The following RBFOX3 variants were observed in gnomAD, a reference collection of about 807,000 sequenced individuals.
The protein encoded by RBFOX3 is RNA binding fox-1 homolog 3, also known as RNA binding protein fox-1 homolog 3.
Under a neutral mutation model 48.7 loss-of-function variants are expected in RBFOX3, and 17 were observed. The observed-to-expected ratio is 0.35, with a 90% CI of 0.24 to 0.52. RBFOX3 has a LOEUF of 0.52. Ranked by LOEUF, RBFOX3 falls within the 20% of genes least tolerant of loss-of-function variation. The probability of loss-of-function intolerance (pLI) is 0.94; values close to 1 mark genes in which losing one functional copy is unlikely to be tolerated. For synonymous variants in RBFOX3, 212 were observed against 209.5 expected, an observed-to-expected ratio of 1.01 and a Z score of -0.10; for missense variants, 382 against 497.5, an observed-to-expected ratio of 0.77 and a Z score of 2.21.
chr17:79,503,077 C>T (rs978832523), intron 1 of RBFOX3, among the ~76,000 whole-genome samples: 9 of 152,178 alleles, frequency 5.9e-5, no homozygotes, highest in Non-Finnish European at 1.2e-4. Flanking sequence ...AGACAGATGC[C>T]TGTTCCCTGC....
chr17:79,256,845 C>G (rs922220410), intron 3 of RBFOX3, among the ~76,000 whole-genome samples: 5 of 152,016 alleles, frequency 3.3e-5, no homozygotes, highest in African/African-American at 1.2e-4. Context: ...TCGCTTGAAC[C>G]TGGGAGGTGG....
chr17:79,493,593 A>G (rs1266527718), intron 1 of RBFOX3, among the ~76,000 whole-genome samples: 2 of 151,866 alleles, frequency 1.3e-5, no homozygotes, highest in African/African-American at 4.8e-5. Flanking sequence ...GGAGTCCCCA[A>G]CCCCAGTTTC....
chr17:79,253,995 T>C (rs2064381193), intron 3 of RBFOX3, among the ~76,000 whole-genome samples: 1 of 152,112 alleles, frequency 6.6e-6, no homozygotes, highest in Non-Finnish European at 1.5e-5. Flanking sequence ...CACTTTTCTC[T>C]TCCCCCACGC....
At chr17:79,399,040 G>A (rs1024711659) in intron 2 of RBFOX3, among the ~76,000 whole-genome samples, 3 of 152,280 alleles carry the variant, frequency 2.0e-5, no homozygotes, top group African/African-American at 4.8e-5. Flanking sequence ...GACGCATGAC[G>A]GCAGAGGCAG....
intron 3 of RBFOX3, among the ~76,000 whole-genome samples, chr17:79,287,021 C>G (rs2072086751): frequency 6.6e-6 from 1 of 152,228 alleles, no homozygotes; most frequent in African/African-American, 2.4e-5. Flanking sequence ...AGCGGTGCTT[C>G]CCCCACATCA....
chr17:79,385,934 C>A (rs1045132984), intron 2 of RBFOX3, among the ~76,000 whole-genome samples: 5 of 147,272 alleles, frequency 3.4e-5, no homozygotes, highest in African/African-American at 1.3e-4. Flanking sequence ...CATCACCCTC[C>A]ATTGCGGACA....
chr17:79,333,020 TG>T (rs1183451735), intron 2 of RBFOX3, among the ~76,000 whole-genome samples: 3 of 116,736 alleles, frequency 2.6e-5, no homozygotes, highest in Non-Finnish European at 5.4e-5. Context: ...GAGAGAGAGA[TG>T]GGGTGGGGGA....
chr17:79,115,678 G>T lies in RBFOX3; in HGVS notation c.38C>A (p.Pro13Gln). 1.7e-6 allele frequency: 2 copies of T among 1,161,946 alleles called. No homozygotes were observed. Among genetic ancestry groups the T allele is most frequent in the Non-Finnish European group, 2.4e-6 (2 of 839,600 alleles). 72.0% of individuals were successfully genotyped at this position (1,161,946 alleles called of 1,614,324 possible). Reference sequence around the variant, plus strand: ...CTCGGCAGGGATGCCGTTCTGTGGCGGAGGGGGGTACTGGGCGGGGGGGTA... The same window carrying T: ...CTCGGCAGGGATGCCGTTCTGTGGCTGAGGGGGGTACTGGGCGGGGGGGTA... ...QPYPPAQYPP[P>Q]PQNGIPAEYA... The change falls in exon 5 of 15, where the codon CCG (proline) becomes CAG (glutamine). Residue 13 changes from proline to glutamine, a missense_variant. By Grantham distance (76) the Pro-to-Gln change is moderately conservative (BLOSUM62 -1). Around this residue, in one of 3 missense-constraint regions of RBFOX3, gnomAD observed 118 missense variants for 132.1 expected, o/e 0.89. Coordinates refer to ENST00000693108, the MANE Select transcript of RBFOX3 (RefSeq NM_001350451.2).
chr17:79,206,182 C>A (rs1469316094), intron 4 of RBFOX3, among the ~76,000 whole-genome samples: 2 of 152,150 alleles, frequency 1.3e-5, no homozygotes, highest in African/African-American at 2.4e-5. Context: ...CCTTGAAGAT[C>A]ATGTAAAAGC....
intron 2 of RBFOX3, among the ~76,000 whole-genome samples, chr17:79,334,835 C>T (rs181269186): frequency 1.3e-3 from 191 of 152,358 alleles, no homozygotes; most frequent in African/African-American, 4.5e-3. Context: ...CGAGCTGTGC[C>T]TGTTGCCTGT....
intron 2 of RBFOX3, among the ~76,000 whole-genome samples, chr17:79,457,758 C>T (rs181968557): frequency 7.9e-5 from 12 of 152,356 alleles, no homozygotes; most frequent in East Asian, 1.9e-4. Flanking sequence ...CCTCAGGCAG[C>T]GAGTCCAGTG....
At chr17:79,470,818 C>A (rs2076970815) in intron 2 of RBFOX3, among the ~76,000 whole-genome samples, 1 of 152,098 alleles carries the variant, frequency 6.6e-6, no homozygotes, top group Non-Finnish European at 1.5e-5. Context: ...TTCTCTGGAC[C>A]CCTTCTGGCA....
At chr17:79,615,082 C>T (rs1007525143), upstream of RBFOX3, among the ~76,000 whole-genome samples, 3 of 152,116 alleles carry the variant, frequency 2.0e-5, no homozygotes, top group East Asian at 5.8e-4. Context: ...AAAATGTTTC[C>T]CCAAGTTTCC....
At chr17:79,401,433 A>G (rs1675870319) in intron 2 of RBFOX3, among the ~76,000 whole-genome samples, 1 of 152,244 alleles carries the variant, frequency 6.6e-6, no homozygotes, top group African/African-American at 2.4e-5. Context: ...GGTACAGTCA[A>G]CCAATCAGCC....
At chr17:79,138,862 C>T (rs1264597889) in intron 4 of RBFOX3, among the ~76,000 whole-genome samples, 1 of 139,386 alleles carries the variant, frequency 7.2e-6, no homozygotes, top group African/African-American at 2.8e-5. Flanking sequence ...GCATTCACGC[C>T]CCCTCTCACC....
At chr17:79,607,731 G>A (rs1468865301) in intron 1 of RBFOX3, among the ~76,000 whole-genome samples, 1 of 152,218 alleles carries the variant, frequency 6.6e-6, no homozygotes, top group African/African-American at 2.4e-5. Context: ...AGGGCTGAAT[G>A]TGGCTGGGAG....
Position 79,381,861 on chromosome 17 carries a change from G to A in RBFOX3, c.-174-74037C>T, listed in dbSNP as rs188679278. On this transcript the variant is annotated intron_variant, in intron 2 of 14. Transcript: ENST00000693108. ...CCCCAGGAGGAGGTTATTTGGAAAC[G>A]CAGACAGAAGGGAACCAGCCTCTCA... Among the ~76,000 whole-genome samples, 490 of 152,282 alleles carry A rather than the reference G, an allele frequency of 3.2e-3. 2 individuals carry two copies. The highest frequency in any genetic ancestry group is 0.011 in the African/African-American group (469 of 41,542).
intron 2 of RBFOX3, among the ~76,000 whole-genome samples, chr17:79,330,265 A>G (rs9902818): frequency 0.6 from 91,185 of 151,986 alleles, 27,717 homozygotes; most frequent in Middle Eastern, 0.69. Flanking sequence ...TGTCACCCTC[A>G]TTGAGGTGAA....
rs375052797 is a variant in RBFOX3 at position 79,165,041 on chromosome 17, A to T, written c.-33-49293T>A. Among the ~76,000 whole-genome samples the T allele has an allele frequency of 1.2e-4, 19 of 152,152 alleles. 1 individual carries two copies. Among genetic ancestry groups the T allele is most frequent in the African/African-American group, 4.6e-4 (19 of 41,526 alleles). ...GAGCCAGGAGGAAGGAGCCTCTGAC[A>T]TGGCCCCTGAACAAAAGCAGCCGGG... On this transcript the variant is annotated intron_variant, in intron 4 of 14. Transcript: ENST00000693108.
Sources: gnomAD v4.1 joint callset for allele counts (sites outside exome capture counted in the v4.1 genomes callset) on GRCh38, gnomAD v4.1.1 for gene constraint, gnomAD v4.1.1 regional missense constraint, MANE v1.5 for transcripts, NCBI Gene and HGNC (gene_info 2026-07-23, HGNC 2026-07-21) for gene names.